The following STIM1 variants were observed in gnomAD, a reference collection of about 807,000 sequenced individuals.
STIM1 encodes the protein stromal interaction molecule 1.
Under a neutral mutation model 74.7 loss-of-function variants are expected in STIM1, and 25 were observed. The ratio of observed to expected loss-of-function variants is 0.33; its 90% CI spans 0.24 to 0.47. STIM1 has a LOEUF of 0.47. Among genes scored for constraint, STIM1 ranks in the 20% least tolerant of loss-of-function variants. The pLI is 1.00. For missense variants in STIM1, 728 were observed against 920.8 expected (o/e 0.79, Z 2.71); for synonymous variants, 328 against 348.8 (o/e 0.94, Z 0.66).
chr11:3,911,215 A>G (rs142123625), intron 1 of STIM1, among the ~76,000 whole-genome samples: 5 of 152,226 alleles, frequency 3.3e-5, no homozygotes, highest in African/African-American at 9.6e-5. Context: ...TAACAAGTCA[A>G]TCTAACTGTG....
At chr11:3,975,139 A>G (rs1344390628) in intron 2 of STIM1, among the ~76,000 whole-genome samples, 1 of 152,212 alleles carries the variant, frequency 6.6e-6, no homozygotes, top group Non-Finnish European at 1.5e-5. Flanking sequence ...AAGTGATAAG[A>G]AAACTTTGAA....
At chr11:3,992,993 A>G (rs1017709786) in intron 2 of STIM1, among the ~76,000 whole-genome samples, 4 of 152,108 alleles carry the variant, frequency 2.6e-5, no homozygotes, top group African/African-American at 7.2e-5. Flanking sequence ...TGCAGGCACC[A>G]AGTCTCAATA....
At chr11:3,940,142 A>G (rs181273136) in intron 1 of STIM1, among the ~76,000 whole-genome samples, 212 of 152,304 alleles carry the variant, frequency 1.4e-3, no homozygotes, top group Middle Eastern at 6.8e-3. Flanking sequence ...GCTATTTAGT[A>G]GCTTTACCCA....
chr11:4,027,203 A>C (rs560761533), intron 3 of STIM1, among the ~76,000 whole-genome samples: 1 of 152,214 alleles, frequency 6.6e-6, no homozygotes, highest in African/African-American at 2.4e-5. Flanking sequence ...ACAACATTGA[A>C]TAATTAAGTA....
intron 10 of STIM1, among the ~76,000 whole-genome samples, chr11:4,083,919 TTG>T (rs1332906253): frequency 6.6e-6 from 1 of 152,242 alleles, no homozygotes; most frequent in African/African-American, 2.4e-5. Flanking sequence ...ATGTTTCTTT[TTG>T]TGTTTTTGTG....
chr11:4,017,745 G>A (rs1310353220), intron 2 of STIM1, among the ~76,000 whole-genome samples: 2 of 152,138 alleles, frequency 1.3e-5, no homozygotes, highest in African/African-American at 4.8e-5. Flanking sequence ...AAAAAATCAT[G>A]AGGATAGCAG....
intron 1 of STIM1, among the ~76,000 whole-genome samples, chr11:3,935,588 G>A (rs2092922543): frequency 6.6e-6 from 1 of 152,228 alleles, no homozygotes; most frequent in South Asian, 2.1e-4. Context: ...GCCAGAAGAA[G>A]ACTAACGAAA....
chr11:4,039,809 C>T (rs1472010845), intron 3 of STIM1, among the ~76,000 whole-genome samples: 1 of 151,438 alleles, frequency 6.6e-6, no homozygotes, highest in Non-Finnish European at 1.5e-5. Flanking sequence ...ACTCTGTTGC[C>T]CAGGCTGGAG....
At chr11:3,920,809 T>A (rs982875537) in intron 1 of STIM1, among the ~76,000 whole-genome samples, 2 of 151,902 alleles carry the variant, frequency 1.3e-5, no homozygotes, top group African/African-American at 4.8e-5. Context: ...TTTAATTTTT[T>A]TTTTGAGATG....
intron 1 of STIM1, among the ~76,000 whole-genome samples, chr11:3,897,354 T>A (rs964956006): frequency 1.5e-4 from 23 of 152,206 alleles, no homozygotes; most frequent in African/African-American, 5.3e-4. Flanking sequence ...TTCTCTTCTC[T>A]TCCTCCAAGC....
intron 1 of STIM1, among the ~76,000 whole-genome samples, chr11:3,961,760 G>A (rs1339883204): frequency 6.6e-6 from 1 of 151,962 alleles, no homozygotes; most frequent in Non-Finnish European, 1.5e-5. Context: ...CGCCTGCCTC[G>A]GCCTCCTAAG....
chr11:3,886,726 G>A (rs1456411666), intron 1 of STIM1, among the ~76,000 whole-genome samples: 2 of 147,548 alleles, frequency 1.4e-5, no homozygotes, highest in African/African-American at 5.1e-5. Context: ...TTATTTGGCC[G>A]GGTGCGGTGG....
At chr11:3,921,457 C>T (rs1292778985) in intron 1 of STIM1, among the ~76,000 whole-genome samples, 2 of 152,144 alleles carry the variant, frequency 1.3e-5, no homozygotes, top group African/African-American at 4.8e-5. Flanking sequence ...ATACCTGGAC[C>T]ATCTGGCCAT....
At chr11:4,030,953 A>G (rs1177651911) in intron 3 of STIM1, among the ~76,000 whole-genome samples, 1 of 152,162 alleles carries the variant, frequency 6.6e-6, no homozygotes, top group Admixed American at 6.5e-5. Context: ...AAAGTTTACT[A>G]TTTTTAAGAT....
intron 2 of STIM1, among the ~76,000 whole-genome samples, chr11:4,009,404 G>C (rs144595886): frequency 0.043 from 6,483 of 152,140 alleles, 438 homozygotes; most frequent in African/African-American, 0.14. Flanking sequence ...CTTGAGATCA[G>C]GAGTTCGAGA....
chr11:4,003,570 G>A (rs1301024381), intron 2 of STIM1, among the ~76,000 whole-genome samples: 1 of 151,826 alleles, frequency 6.6e-6, no homozygotes, highest in Non-Finnish European at 1.5e-5. Flanking sequence ...AATAAATTAG[G>A]TATTGATGGG....
intron 1 of STIM1, among the ~76,000 whole-genome samples, chr11:3,899,911 C>T (rs1425086330): frequency 1.3e-4 from 20 of 151,940 alleles, no homozygotes; most frequent in East Asian, 9.7e-4. Flanking sequence ...CTACTGGATT[C>T]GGTTTGCCAG....
At chr11:4,080,231 A>G (rs192395002) in intron 7 of STIM1, among the ~76,000 whole-genome samples, 1 of 152,166 alleles carries the variant, frequency 6.6e-6, no homozygotes, top group African/African-American at 2.4e-5. Context: ...GGGCGACACA[A>G]TGAGACCCTG....
chr11:3,974,160 G>A, intron 2 of STIM1: 1 of 594,566 alleles, frequency 1.7e-6, no homozygotes, highest in Non-Finnish European at 3.1e-6. Flanking sequence ...ACCCTCACTG[G>A]TCATTTCAAA....
Sources: allele counts gnomAD v4.1 joint callset (sites outside exome capture counted in the v4.1 genomes callset), GRCh38; gene constraint gnomAD v4.1.1; transcripts MANE v1.5; gene names NCBI Gene and HGNC (gene_info 2026-07-23, HGNC 2026-07-21).